Variants in KIAA2012 observed in about 807,000 individuals in gnomAD.
KIAA2012 encodes the protein KIAA2012.
A neutral mutation model predicts 150.6 loss-of-function variants in KIAA2012; 125 were observed. That is an observed-to-expected ratio of 0.83 (90% CI 0.72 to 0.96). The LOEUF is 0.96. Among genes scored for constraint, KIAA2012 ranks in the 40% least tolerant of loss-of-function variants. The pLI, the probability that KIAA2012 is intolerant of heterozygous loss-of-function variation, is 0.00. For missense variants in KIAA2012, 1,219 were observed against 1,354.9 expected, an observed-to-expected ratio of 0.90 and a Z score of 1.57; for synonymous variants, 462 against 504.7, an observed-to-expected ratio of 0.92 and a Z score of 1.13.
chr2:202,138,371 A>C (rs1192958112), intron 12 of KIAA2012, 61 bp from the exon 13 acceptor site: 16 of 1,242,036 alleles, frequency 1.3e-5, no homozygotes, highest in Non-Finnish European at 1.7e-5. Flanking sequence ...GTATATATAA[A>C]AAGTCATGAG....
intron 18 of KIAA2012, among the ~76,000 whole-genome samples, chr2:202,189,295 C>CTT (rs767226517): frequency 1.4e-5 from 2 of 143,380 alleles, no homozygotes; most frequent in Non-Finnish European, 1.5e-5. Flanking sequence ...GAAATAGAAC[C>CTT]TTTTTTTTTT....
chr2:202,078,031 T>G (rs1003132763), intron 2 of KIAA2012, among the ~76,000 whole-genome samples: 5 of 152,210 alleles, frequency 3.3e-5, no homozygotes, highest in African/African-American at 9.6e-5. Flanking sequence ...GGCAAAAGCC[T>G]AAAAGGGGCT....
chr2:202,090,003 T>C (rs1689677516), intron 2 of KIAA2012, among the ~76,000 whole-genome samples: 1 of 152,222 alleles, frequency 6.6e-6, no homozygotes, highest in South Asian at 2.1e-4. Context: ...TGTGATTGAT[T>C]AGGGATGTCT....
Position 202,096,050 on chromosome 2 carries a change from C to T in KIAA2012, c.686-1385C>T, listed in dbSNP as rs185645620. Among the ~76,000 whole-genome samples, 223 of 152,272 alleles carry T rather than the reference C, an allele frequency of 1.5e-3. 1 individual carries two copies. The highest frequency in any genetic ancestry group is 4.6e-3 in the African/African-American group (193 of 41,556). On this transcript the variant is annotated intron_variant, in intron 4 of 23. Coordinates refer to ENST00000498697, the MANE Select transcript of KIAA2012 (RefSeq NM_001277372.4). ...AGTGAGCCAAGATCATGCCACTGCA[C>T]TCCAGCCTGGGCAACAGAGTGAGAC...
At chr2:202,092,613 T>C (rs75534370) in intron 3 of KIAA2012, among the ~76,000 whole-genome samples, 5,147 of 152,180 alleles carry the variant, frequency 0.034, 296 homozygotes, top group African/African-American at 0.12. Context: ...GTGGGCCCAT[T>C]GGGAAGTCCT....
chr2:202,183,043 C>T (rs1244821833), intron 15 of KIAA2012, among the ~76,000 whole-genome samples: 2 of 152,126 alleles, frequency 1.3e-5, no homozygotes, highest in Non-Finnish European at 2.9e-5. Flanking sequence ...AAAAGAGTAG[C>T]CCAACACAGT....
chr2:202,153,843 A>C (rs983385443), intron 13 of KIAA2012, among the ~76,000 whole-genome samples: 2 of 152,212 alleles, frequency 1.3e-5, no homozygotes, highest in African/African-American at 4.8e-5. Flanking sequence ...AGCAGGAGAG[A>C]TCATCCAGGG....
chr2:202,200,952 T>C (rs893168161), intron 22 of KIAA2012, among the ~76,000 whole-genome samples: 4 of 151,986 alleles, frequency 2.6e-5, no homozygotes, highest in African/African-American at 9.7e-5. Context: ...GTGATCCGCC[T>C]GCCTCAGCTT....
At position 202,190,167 on chromosome 2, in the gene KIAA2012, C is replaced by A; in HGVS notation, c.2492-7C>A. On this transcript the variant is annotated splice_region_variant and splice_polypyrimidine_tract_variant and intron_variant, in intron 18 of 23. Transcript: ENST00000498697. ...CTATATCTCTATCCCCAATTGTTCT[C>A]CCCCAGGAAAGTCAAAGGACTCAAA... 6.6e-7 allele frequency: 1 copy of A among 1,511,254 alleles called. No individual in the cohort carries two copies. The highest frequency in any genetic ancestry group is 8.8e-7 in the Non-Finnish European group (1 of 1,135,384). The allele number at this position is 1,511,254 out of a possible 1,614,324, so 93.6% of individuals were successfully genotyped here. A position where few individuals can be genotyped will look rare whatever the true frequency, so the allele number is the denominator to read the frequency against.
At chr2:202,093,950 T>C (rs1372655127) in intron 4 of KIAA2012, among the ~76,000 whole-genome samples, 1 of 152,196 alleles carries the variant, frequency 6.6e-6, no homozygotes, top group Admixed American at 6.5e-5. Context: ...CCTTGGCTGG[T>C]AGCAGGGTTC....
At position 202,201,281 on chromosome 2, in the gene KIAA2012, T is replaced by C. The variant is rs1204547149; in HGVS notation, c.3408-1148T>C. On this transcript the variant is annotated intron_variant, in intron 22 of 23. Coordinates refer to ENST00000498697, the MANE Select transcript of KIAA2012 (RefSeq NM_001277372.4). ...GAAAGACATCCCAACAACATGTGTC[T>C]AAACTGCAACTTCAGGTTAATATGA... is the stretch of plus-strand genomic sequence containing the variant. The C allele has an allele frequency of 8.9e-6, 14 of 1,571,320 alleles. No individual in the cohort carries two copies. The Middle Eastern group carries it at 6.6e-4, about 74-fold the overall frequency.
intron 22 of KIAA2012, among the ~76,000 whole-genome samples, chr2:202,199,920 ATTTTTT>A (rs71025287): frequency 0.043 from 3,284 of 75,960 alleles, 33 homozygotes; most frequent in Non-Finnish European, 0.06. Flanking sequence ...GCCCCTCATA[ATTTTTT>A]TTTTTTTTTT....
intron 8 of KIAA2012, among the ~76,000 whole-genome samples, chr2:202,103,790 G>A (rs559571773): frequency 5.3e-5 from 8 of 152,302 alleles, no homozygotes; most frequent in East Asian, 1.9e-4. Context: ...TCCAACTGGC[G>A]ACGTGGGCTT....
chr2:202,167,919 C>A (rs1691805218), intron 15 of KIAA2012, among the ~76,000 whole-genome samples: 1 of 152,102 alleles, frequency 6.6e-6, no homozygotes, highest in Non-Finnish European at 1.5e-5. Flanking sequence ...TAGGCAGCAT[C>A]ATTGTGATCA....
chr2:202,105,693 C>G, intron 8 of KIAA2012, 68 bp from the exon 9 acceptor site: 1 of 1,513,306 alleles, frequency 6.6e-7, no homozygotes, highest in Non-Finnish European at 8.9e-7. Context: ...GATAGGTCCC[C>G]AAAAGAAGAG....
chr2:202,179,836 C>G (rs1692081394), intron 15 of KIAA2012: 1 of 618,830 alleles, frequency 1.6e-6, no homozygotes, highest in African/African-American at 1.8e-5. Context: ...AAATGAAGAT[C>G]TGGAACTTGA....
chr2:202,098,139 C>T (rs1054730784), intron 5 of KIAA2012, among the ~76,000 whole-genome samples: 1 of 152,176 alleles, frequency 6.6e-6, no homozygotes, highest in Admixed American at 6.5e-5. Flanking sequence ...GCAGGTGGAT[C>T]ACCTGAGGCC....
intron 11 of KIAA2012, among the ~76,000 whole-genome samples, chr2:202,122,355 G>A (rs376390675): frequency 2.0e-5 from 3 of 152,194 alleles, no homozygotes; most frequent in Admixed American, 6.5e-5. Flanking sequence ...TGCCTAAAAG[G>A]CATGCTCCCT....
At chr2:202,157,669 C>T (rs1181422380) in intron 14 of KIAA2012, among the ~76,000 whole-genome samples, 1 of 152,122 alleles carries the variant, frequency 6.6e-6, no homozygotes, top group African/African-American at 2.4e-5. Flanking sequence ...CATTGAGAGG[C>T]TAAGTAACTT....
Sources: gnomAD v4.1 joint callset for allele counts (sites outside exome capture counted in the v4.1 genomes callset) on GRCh38, gnomAD v4.1.1 for gene constraint, MANE v1.5 for transcripts, NCBI Gene and HGNC (gene_info 2026-07-23, HGNC 2026-07-21) for gene names.